Variants in TOX3 observed in about 807,000 individuals in gnomAD.
The protein encoded by TOX3 is TOX high mobility group box family member 3, also known as CAG trinucleotide repeat-containing gene F9 protein.
A neutral mutation model predicts 64.3 loss-of-function variants in TOX3; 22 were observed. The ratio of observed to expected loss-of-function variants is 0.34; its 90% CI spans 0.24 to 0.49. TOX3 has a LOEUF of 0.49. TOX3 is among the 20% of genes least tolerant of loss of function. The pLI is 0.99. For missense variants in TOX3, 661 were observed against 714.4 expected, an observed-to-expected ratio of 0.93 and a Z score of 0.85; for synonymous variants, 291 against 273.6, an observed-to-expected ratio of 1.06 and a Z score of -0.63.
Position 52,445,743 on chromosome 16 carries a change from A to T in TOX3, c.906+251T>A, listed in dbSNP as rs1024765534. ...ATCATCAAAAGTTTATGCTTGCAGG[A>T]TACTGCCTGGATTTCTTCCAACCTT... On this transcript the variant is annotated intron_variant, in intron 5 of 6. Transcript: ENST00000219746. 7.3e-5 allele frequency: 32 copies of T among 435,782 alleles called. 1 individual carries two copies. The highest frequency in any genetic ancestry group is 1.3e-4 in the Non-Finnish European group (32 of 245,466). 27.0% of individuals were successfully genotyped at this position (435,782 alleles called of 1,614,324 possible).
intron 3 of TOX3, among the ~76,000 whole-genome samples, chr16:52,462,400 A>G (rs1015511787): frequency 1.3e-5 from 2 of 152,148 alleles, no homozygotes; most frequent in Non-Finnish European, 1.5e-5. Context: ...ATGAAATTTC[A>G]TAGTCAAAAT....
In TOX3 at chr16:52,439,679, G is replaced by A; in HGVS notation, c.1277C>T (p.Ser426Leu). Residue 426 changes from serine to leucine, a missense_variant, in exon 7 of 7, where the codon TCA becomes TTA. Ser to Leu is a moderately radical substitution (Grantham distance 145). Transcript: ENST00000219746. The stretch of plus-strand genomic sequence containing the variant: ...AGGACTCACTTGGGTGGAGGGTGCT[G>A]AGCCAACCATGGTCGTTCCCATGGA... ...ISSMGTTMVG[S>L]APSTQVSPSV... The A allele has an allele frequency of 1.2e-6, 2 of 1,613,802 alleles. No homozygotes were observed. Among genetic ancestry groups the A allele is most frequent in the East Asian group, 2.2e-5 (1 of 44,884 alleles).
Position 52,468,599 on chromosome 16 carries a change from G to A in TOX3, c.88-25C>T, listed in dbSNP as rs375145356. ...ACTGAAAGAAAACAGATTGTTTTAC[G>A]TTAATATGCGGCATAATAAAGCATT... is the stretch of plus-strand genomic sequence containing the variant. On this transcript the variant is annotated intron_variant, in intron 1 of 6. Coordinates refer to ENST00000219746, the MANE Select transcript of TOX3 (RefSeq NM_001080430.4). 2.1e-4 allele frequency: 329 copies of A among 1,545,256 alleles called. 1 individual carries two copies. In the South Asian group the frequency reaches 3.2e-3, roughly 15 times the overall value.
chr16:52,529,879 C>T (rs544037044), intron 1 of TOX3, among the ~76,000 whole-genome samples: 2 of 152,158 alleles, frequency 1.3e-5, no homozygotes, highest in Admixed American at 6.5e-5. Context: ...TACTCATAAT[C>T]CTCTCAATAC....
At chr16:52,497,357 G>T (rs1398461632) in intron 1 of TOX3, among the ~76,000 whole-genome samples, 1 of 152,196 alleles carries the variant, frequency 6.6e-6, no homozygotes, top group African/African-American at 2.4e-5. Flanking sequence ...CTACAGGGCT[G>T]ACTGTATTAA....
intron 3 of TOX3, among the ~76,000 whole-genome samples, chr16:52,462,164 C>T (rs1231047319): frequency 6.6e-6 from 1 of 152,088 alleles, no homozygotes; most frequent in Admixed American, 6.5e-5. Context: ...AATACCATGA[C>T]AACAGCCTGC....
intron 1 of TOX3, among the ~76,000 whole-genome samples, chr16:52,504,401 A>C (rs976178849): frequency 1.4e-5 from 2 of 145,780 alleles, no homozygotes; most frequent in Non-Finnish European, 3.0e-5. Context: ...CAGGAGGCGG[A>C]GCTTGCAGTG....
chr16:52,498,911 C>T (rs936138009), intron 1 of TOX3, among the ~76,000 whole-genome samples: 1 of 152,180 alleles, frequency 6.6e-6, no homozygotes, highest in Non-Finnish European at 1.5e-5. Flanking sequence ...GAAATGCTTT[C>T]CATTTCCTTC....
chr16:52,522,284 C>G (rs1328959544), intron 1 of TOX3, among the ~76,000 whole-genome samples: 1 of 152,190 alleles, frequency 6.6e-6, no homozygotes, highest in Admixed American at 6.5e-5. Flanking sequence ...TCAGCAGAGA[C>G]AGCCAAATGT....
chr16:52,500,342 T>A (rs1349949927), intron 1 of TOX3, among the ~76,000 whole-genome samples: 3 of 152,184 alleles, frequency 2.0e-5, no homozygotes, highest in African/African-American at 4.8e-5. Flanking sequence ...AGGCCTTAAC[T>A]CCTGGCACAG....
chr16:52,447,807 A>C (rs1212696462), intron 4 of TOX3, among the ~76,000 whole-genome samples: 1 of 152,184 alleles, frequency 6.6e-6, no homozygotes, highest in Non-Finnish European at 1.5e-5. Context: ...TCAATGAAAA[A>C]CATTATTTAA....
intron 1 of TOX3, among the ~76,000 whole-genome samples, chr16:52,501,429 T>G (rs1961996134): frequency 3.3e-5 from 5 of 152,166 alleles, no homozygotes; most frequent in Admixed American, 3.3e-4. Context: ...CCCAGCACTT[T>G]GGGAGGCTGA....
At chr16:52,537,972 T>C (rs1333256500) in intron 1 of TOX3, among the ~76,000 whole-genome samples, 2 of 151,788 alleles carry the variant, frequency 1.3e-5, no homozygotes, top group East Asian at 3.9e-4. Flanking sequence ...CTTGAGACTC[T>C]AGATCCAGCT....
intron 1 of TOX3, among the ~76,000 whole-genome samples, chr16:52,533,603 T>C (rs1410096333): frequency 1.3e-5 from 2 of 152,190 alleles, no homozygotes; most frequent in Admixed American, 1.3e-4. Context: ...ATTTTTAGGA[T>C]TTTCTTTTAT....
At chr16:52,494,723 C>T (rs927403615) in intron 1 of TOX3, among the ~76,000 whole-genome samples, 3 of 152,190 alleles carry the variant, frequency 2.0e-5, no homozygotes, top group South Asian at 2.1e-4. Context: ...TTGGTTACAT[C>T]GCCCATTCAG....
chr16:52,485,495 G>C (rs1283484649), intron 1 of TOX3, among the ~76,000 whole-genome samples: 1 of 151,710 alleles, frequency 6.6e-6, no homozygotes, highest in South Asian at 2.1e-4. Context: ...AGGACGTTGG[G>C]GGGTGATGAA....
chr16:52,485,662 CA>C (rs1181881329), intron 1 of TOX3, among the ~76,000 whole-genome samples: 1 of 151,772 alleles, frequency 6.6e-6, no homozygotes, highest in Admixed American at 6.6e-5. Context: ...ATAAAATTAA[CA>C]AAAAAGGAAG....
intron 1 of TOX3, among the ~76,000 whole-genome samples, chr16:52,538,126 A>G (rs2151489315): frequency 6.6e-6 from 1 of 152,270 alleles, no homozygotes; most frequent in South Asian, 2.1e-4. Context: ...ATTTTTAAAT[A>G]AGTCAAATAA....
chr16:52,529,180 T>C (rs1466882174), intron 1 of TOX3, among the ~76,000 whole-genome samples: 2 of 152,228 alleles, frequency 1.3e-5, no homozygotes, highest in Admixed American at 6.5e-5. Flanking sequence ...GAGAGTATAC[T>C]AATTTTCCTG....
Sources: gnomAD v4.1 joint callset for allele counts (sites outside exome capture counted in the v4.1 genomes callset) on GRCh38, gnomAD v4.1.1 for gene constraint, MANE v1.5 for transcripts, NCBI Gene and HGNC (gene_info 2026-07-23, HGNC 2026-07-21) for gene names.